Variants in GRK4 observed in about 807,000 individuals in gnomAD.
GRK4 encodes G protein-coupled receptor kinase 2-like.
In GRK4, 73 loss-of-function variants were observed where a neutral mutation model predicts 77.9. The ratio of observed to expected loss-of-function variants is 0.94; its 90% confidence interval spans 0.78 to 1.14. GRK4 has a LOEUF of 1.14. GRK4 is among the 50% of genes most tolerant of loss of function. The pLI is 0.00. For synonymous variants in GRK4, 257 were observed against 254.4 expected, an observed-to-expected ratio of 1.01 and a Z score of -0.10; for missense variants, 729 against 700.2, an observed-to-expected ratio of 1.04 and a Z score of -0.46.
chr4:2,996,419 G>C (rs1727934426), intron 4 of GRK4, among the ~76,000 whole-genome samples: 4 of 152,182 alleles, frequency 2.6e-5, no homozygotes, highest in Admixed American at 1.3e-4. Flanking sequence ...GCCAGGCATG[G>C]TGGCAGGTGC....
intron 7 of GRK4, among the ~76,000 whole-genome samples, chr4:3,010,781 A>G (rs1732692579): frequency 6.6e-6 from 1 of 152,196 alleles, no homozygotes; most frequent in Non-Finnish European, 1.5e-5. Context: ...CTGCTCCCAT[A>G]TTACAATTCA....
chr4:2,964,063 G>GC lies in GRK4; in HGVS notation c.-6dup, dbSNP rs1293554914. 2.5e-6 allele frequency: 4 copies of GC among 1,608,552 alleles called. No individual in the cohort carries two copies. In the Admixed American group the frequency reaches 5.0e-5, roughly 20 times the overall value. On this transcript the variant is annotated 5_prime_UTR_variant, in exon 1 of 16. Coordinates refer to ENST00000398052, the MANE Select transcript of GRK4 (RefSeq NM_182982.3). The stretch of plus-strand genomic sequence containing the variant: ...CGCAGAATCCGCCGGCGGCGGCGGC[G>GC]CCAGGACATGGAGCTCGAGAACATC...
At chr4:2,982,924 A>G (rs1723237097) in intron 1 of GRK4, among the ~76,000 whole-genome samples, 1 of 152,244 alleles carries the variant, frequency 6.6e-6, no homozygotes, top group South Asian at 2.1e-4. Flanking sequence ...TATTAAATAA[A>G]CAAATCTTAA....
chr4:2,988,371 T>C (rs148197579), intron 2 of GRK4, among the ~76,000 whole-genome samples: 1 of 152,196 alleles, frequency 6.6e-6, no homozygotes, highest in Non-Finnish European at 1.5e-5. Context: ...TTTAGAGAAA[T>C]GTCTGTTCCA....
chr4:2,984,527 A>T lies in GRK4; in HGVS notation c.67A>T (p.Lys23Ter), dbSNP rs1397623193. The T allele has an allele frequency of 6.2e-7, 1 of 1,612,508 alleles. No homozygotes were observed. The highest frequency in any genetic ancestry group is 2.2e-5 in the East Asian group (1 of 44,844). Residue 23 changes from lysine to a stop codon, truncating the protein, a stop_gained, in exon 2 of 16, where the codon AAA (lysine) becomes TAA (stop). Coordinates refer to ENST00000398052, the MANE Select transcript of GRK4 (RefSeq NM_182982.3). LOFTEE classifies it high-confidence loss of function. ...LKARQGGYGK[K>*]SGRSKKWKEI... ...CCCAAATTCAGGAGGATATGGCAAA[A>T]AAAGTGGTCGTAGTAAAAAATGGAA... is the stretch of plus-strand genomic sequence containing the variant.
At chr4:3,035,231 C>G (rs574866588) in intron 12 of GRK4, among the ~76,000 whole-genome samples, 155 bp from the exon 13 acceptor site, 1 of 151,666 alleles carries the variant, frequency 6.6e-6, no homozygotes, top group Non-Finnish European at 1.5e-5. Flanking sequence ...GGTGACAGAA[C>G]GAGACTCCAT....
chr4:3,020,899 T>C, intron 9 of GRK4, among the ~76,000 whole-genome samples: 1 of 152,392 alleles, frequency 6.6e-6, no homozygotes, highest in Middle Eastern at 3.4e-3. Context: ...ATAGTACAAT[T>C]ATGATTTACT....
rs1399103922 is a variant in GRK4 at position 2,981,101 on chromosome 4, C to T, written c.53-3412C>T. 2.6e-5 allele frequency among the ~76,000 whole-genome samples: 4 copies of T among 152,202 alleles called. No individual in the cohort carries two copies. The East Asian group carries it at 5.8e-4, about 22-fold the overall frequency. On this transcript the variant is annotated intron_variant, in intron 1 of 15. Coordinates refer to ENST00000398052, the MANE Select transcript of GRK4 (RefSeq NM_182982.3). ...TGGGTGCCAGGGAATGCGGTGGCGCCCAGAAGCTTGGAGACTTCAGGAACC... is the reference window on the plus strand; with the variant it reads ...TGGGTGCCAGGGAATGCGGTGGCGCTCAGAAGCTTGGAGACTTCAGGAACC...
At position 3,040,586 on chromosome 4, in the gene GRK4, G is replaced by T; in HGVS notation, c.1698G>T (p.Met566Ile). The T allele has an allele frequency of 6.2e-7, 1 of 1,610,706 alleles. No homozygotes were observed. Among genetic ancestry groups the T allele is most frequent in the Admixed American group, 1.7e-5 (1 of 59,556 alleles). ...RLFRRGGCLT[M>I]VPSEKEVEPK... ...GTGTGTTGTAGGGCTGCCTGACCAT[G>T]GTCCCCAGTGAGAAGGAAGTGGAAC... is the stretch of plus-strand genomic sequence containing the variant. Residue 566 changes from methionine (M) to isoleucine (I), a missense_variant, in exon 16 of 16, where the codon ATG (methionine) becomes ATT (isoleucine). Met to Ile is a conservative substitution (Grantham distance 10, BLOSUM62 1). Coordinates refer to ENST00000398052, the MANE Select transcript of GRK4 (RefSeq NM_182982.3).
chr4:3,008,964 GTCA>G (rs1732099184), intron 6 of GRK4, among the ~76,000 whole-genome samples: 1 of 152,022 alleles, frequency 6.6e-6, no homozygotes, highest in Admixed American at 6.6e-5. Context: ...ACGTATATAC[GTCA>G]TCTTCTTCAC....
intron 1 of GRK4, chr4:2,965,108 T>A (rs1717122308): frequency 3.3e-6 from 2 of 605,968 alleles, no homozygotes; most frequent in Admixed American, 2.9e-5. Flanking sequence ...GCCTTTGTTT[T>A]GCTTCTGTAA....
chr4:2,987,215 A>T, intron 2 of GRK4: 1 of 478,498 alleles, frequency 2.1e-6, no homozygotes, highest in East Asian at 5.7e-5. Context: ...ATCATAAACT[A>T]TGTGGTCTTT....
chr4:2,995,467 G>C (rs7678019), intron 4 of GRK4, among the ~76,000 whole-genome samples: 2 of 146,458 alleles, frequency 1.4e-5, no homozygotes, highest in Admixed American at 6.9e-5. Flanking sequence ...TTAGGAGTTC[G>C]AGACCAGCCT....
chr4:3,005,530 C>G (rs373231817), intron 5 of GRK4, among the ~76,000 whole-genome samples: 1 of 152,068 alleles, frequency 6.6e-6, no homozygotes, highest in Non-Finnish European at 1.5e-5. Flanking sequence ...AGGCCGGGCG[C>G]GGTGGCTCAC....
chr4:2,994,708 G>GT (rs1383238462), intron 4 of GRK4, among the ~76,000 whole-genome samples: 1 of 152,234 alleles, frequency 6.6e-6, no homozygotes, highest in Admixed American at 6.5e-5. Flanking sequence ...TTATACATGT[G>GT]TGGCTTGGTG....
chr4:2,984,644 C>A, intron 2 of GRK4, 36 bp downstream of exon 2: 2 of 1,128,896 alleles, frequency 1.8e-6, no homozygotes, highest in South Asian at 1.4e-5. Flanking sequence ...TTGGATGGTA[C>A]ATCTGGCATG....
At chr4:2,990,012 A>G (rs769694218) in intron 3 of GRK4, among the ~76,000 whole-genome samples, 8 of 152,096 alleles carry the variant, frequency 5.3e-5, no homozygotes, top group Admixed American at 2.0e-4. Context: ...GCAAATATGT[A>G]TTGAGTGCTT....
intron 4 of GRK4, among the ~76,000 whole-genome samples, chr4:3,001,223 A>G (rs13150772): frequency 6.9e-6 from 1 of 143,988 alleles, no homozygotes; most frequent in African/African-American, 2.6e-5. Flanking sequence ...ATATATATGT[A>G]TATATGTGTA....
rs1041337657 is a variant in GRK4, at chr4:2,963,913, A to G, written c.-158A>G. 42 of 722,818 alleles carry G rather than the reference A, an allele frequency of 5.8e-5. No homozygotes were observed. In the Middle Eastern group the frequency reaches 8.0e-4, roughly 14 times the overall value. 44.8% of individuals were successfully genotyped at this position (722,818 alleles called of 1,614,324 possible). The stretch of plus-strand genomic sequence containing the variant: ...CGGCGGCGGCGGCGCCCTTGGTGGC[A>G]GTGGTGGCGGCGGAGCAGCCTCCCG... On this transcript the variant is annotated 5_prime_UTR_variant, in exon 1 of 16. Coordinates refer to ENST00000398052, the MANE Select transcript of GRK4 (RefSeq NM_182982.3).
Sources: gnomAD v4.1 joint callset for allele counts (sites outside exome capture counted in the v4.1 genomes callset) on GRCh38, gnomAD v4.1.1 for gene constraint, MANE v1.5 for transcripts, NCBI Gene and HGNC (gene_info 2026-07-23, HGNC 2026-07-21) for gene names.